SRPK2: variants seen among roughly 807,000 people sequenced by gnomAD.
The protein encoded by SRPK2 is SFRS protein kinase 2.
Under a neutral mutation model 90.8 loss-of-function variants are expected in SRPK2, and 21 were observed. That is an observed-to-expected ratio of 0.23 (90% CI 0.16 to 0.33). The LOEUF (loss-of-function observed/expected upper bound fraction) is 0.33. Among genes scored for constraint, SRPK2 ranks in the 10% least tolerant of loss-of-function variants. SRPK2 has a pLI of 1.00. For missense variants in SRPK2, 620 were observed against 869.0 expected (o/e 0.71, Z 3.60); for synonymous variants, 288 against 311.1 (o/e 0.93, Z 0.78).
intron 6 of SRPK2, among the ~76,000 whole-genome samples, chr7:105,165,928 G>A (rs921377339): frequency 2.0e-5 from 3 of 152,060 alleles, no homozygotes; most frequent in African/African-American, 4.8e-5. Flanking sequence ...GCGAGACCAC[G>A]AACCCACCGG....
intron 2 of SRPK2, among the ~76,000 whole-genome samples, chr7:105,338,361 G>A (rs573414216): frequency 3.9e-5 from 6 of 152,224 alleles, no homozygotes; most frequent in East Asian, 1.9e-4. Context: ...TCAGCCTTCC[G>A]AGCAGCTGGG....
rs11282671 is a variant in SRPK2, at chr7:105,279,298, A to AAC, written c.72-75514_72-75513insGT. Among the ~76,000 whole-genome samples the AAC allele has an allele frequency of 2.0e-4, 30 of 151,822 alleles. 1 individual carries two copies. Among genetic ancestry groups the AAC allele is most frequent in the Admixed American group, 4.6e-4 (7 of 15,240 alleles). ...CAGGCTGGTTAGGTTTCTGATTTAG[A>AAC]TAGCTGCTGCTACTACTTATGAGAA... On this transcript the variant is annotated intron_variant, in intron 2 of 15. Transcript: ENST00000393651.
chr7:105,223,573 T>C (rs905591876), intron 2 of SRPK2, among the ~76,000 whole-genome samples: 7 of 152,340 alleles, frequency 4.6e-5, no homozygotes, highest in Middle Eastern at 3.4e-3. Context: ...ATTGTCTATG[T>C]CCCCCACAGA....
At chr7:105,206,095 T>G in intron 2 of SRPK2, 2 of 479,454 alleles carry the variant, frequency 4.2e-6, no homozygotes, top group Non-Finnish European at 8.3e-6. Flanking sequence ...TGTGGGATGC[T>G]TTTCACCATC....
At chr7:105,170,307 C>T (rs1235332855) in intron 3 of SRPK2, among the ~76,000 whole-genome samples, 2 of 152,056 alleles carry the variant, frequency 1.3e-5, no homozygotes, top group Non-Finnish European at 2.9e-5. Context: ...AGAAACTGTA[C>T]AATGATGTCT....
chr7:105,306,442 G>T, intron 2 of SRPK2: 3 of 433,476 alleles, frequency 6.9e-6, no homozygotes, highest in South Asian at 3.4e-5. Context: ...AAACCTAAGA[G>T]ACCACATCAC....
intron 15 of SRPK2, chr7:105,125,806 A>AGTATTTCCCCAACATAGC (rs1481085869): frequency 7.8e-7 from 1 of 1,288,764 alleles, no homozygotes; most frequent in Admixed American, 2.3e-5. Context: ...AACTCCTTGG[A>AGTATTTCCCCAACATAGC]GTATTTCCCC....
At chr7:105,369,862 T>G (rs1345042531) in intron 2 of SRPK2, among the ~76,000 whole-genome samples, 1 of 152,076 alleles carries the variant, frequency 6.6e-6, no homozygotes, top group Non-Finnish European at 1.5e-5. Context: ...ACCCCGTCTC[T>G]ACTAAAAATA....
At chr7:105,186,001 G>A (rs1331369431) in intron 3 of SRPK2, among the ~76,000 whole-genome samples, 1 of 152,196 alleles carries the variant, frequency 6.6e-6, no homozygotes. Context: ...TCTTTTTATA[G>A]ATTTTATTCC....
intron 2 of SRPK2, among the ~76,000 whole-genome samples, chr7:105,296,463 T>A (rs1029534926): frequency 3.3e-5 from 5 of 152,146 alleles, no homozygotes; most frequent in African/African-American, 9.7e-5. Context: ...TTATTTCCAG[T>A]TAGTGTATAA....
At chr7:105,219,204 A>C (rs532314456) in intron 2 of SRPK2, among the ~76,000 whole-genome samples, 1 of 152,254 alleles carries the variant, frequency 6.6e-6, no homozygotes, top group African/African-American at 2.4e-5. Flanking sequence ...TTTCCAAGGC[A>C]GAAGACGGAA....
chr7:105,397,848 A>G (rs1024259099), intron 1 of SRPK2, among the ~76,000 whole-genome samples: 3 of 152,052 alleles, frequency 2.0e-5, no homozygotes, highest in Non-Finnish European at 2.9e-5. Context: ...GGGTTTCACC[A>G]TGTTGGCCAG....
At chr7:105,396,618 G>A (rs1330265282) in intron 1 of SRPK2, among the ~76,000 whole-genome samples, 2 of 148,720 alleles carry the variant, frequency 1.3e-5, no homozygotes, top group African/African-American at 2.5e-5. Context: ...GCAACAGAGC[G>A]ACACTCCGTC....
intron 11 of SRPK2, among the ~76,000 whole-genome samples, chr7:105,138,975 A>C (rs1803292671): frequency 6.6e-6 from 1 of 152,254 alleles, no homozygotes; most frequent in Non-Finnish European, 1.5e-5. Context: ...GCAATGCGGC[A>C]AAATGTGAAT....
chr7:105,169,294 T>A (rs1191257983), intron 3 of SRPK2, 29 bp from the exon 4 acceptor site: 5 of 1,549,868 alleles, frequency 3.2e-6, no homozygotes, highest in Non-Finnish European at 4.4e-6. Context: ...AAGAAAAAAA[T>A]TCAAAATATT....
At chr7:105,288,775 T>A (rs1190910125) in intron 2 of SRPK2, among the ~76,000 whole-genome samples, 1 of 151,996 alleles carries the variant, frequency 6.6e-6, no homozygotes, top group Non-Finnish European at 1.5e-5. Context: ...AGTAGAGCCA[T>A]CCTCCCAGAT....
Position 105,335,651 on chromosome 7 carries a change from T to TAA in SRPK2, c.71+52995_71+52996dup, listed in dbSNP as rs60278367. 3.8e-4 allele frequency among the ~76,000 whole-genome samples: 44 copies of TAA among 114,966 alleles called. No individual in the cohort carries two copies. The East Asian group carries it at 4.4e-3, about 11-fold the overall frequency. The allele number at this position is 114,966 out of a possible 152,430, so 75.4% of individuals were successfully genotyped here. Reference sequence around the variant, plus strand: ...CGGGTGACAGAACAAGACCATCTTTTAAAAAAAAAAAAAAAAAAGCAGCCG... The same window carrying TAA: ...CGGGTGACAGAACAAGACCATCTTTTAAAAAAAAAAAAAAAAAAAAGCAGCCG... On this transcript the variant is annotated intron_variant, in intron 2 of 15. Transcript: ENST00000393651.
chr7:105,254,149 C>T (rs954931077), intron 2 of SRPK2, among the ~76,000 whole-genome samples: 3 of 152,206 alleles, frequency 2.0e-5, no homozygotes, highest in African/African-American at 4.8e-5. Context: ...TACCTCGTTA[C>T]AGCTGATTGT....
At chr7:105,337,973 T>C (rs1815301868) in intron 2 of SRPK2, among the ~76,000 whole-genome samples, 1 of 151,890 alleles carries the variant, frequency 6.6e-6, no homozygotes, top group African/African-American at 2.4e-5. Flanking sequence ...ATCTTAATGA[T>C]TGTTAAATTT....
Sources: gnomAD v4.1 joint callset for allele counts (sites outside exome capture counted in the v4.1 genomes callset) on GRCh38, gnomAD v4.1.1 for gene constraint, MANE v1.5 for transcripts, NCBI Gene and HGNC (gene_info 2026-07-23, HGNC 2026-07-21) for gene names.